ACSL3: variants seen among roughly 807,000 people sequenced by gnomAD.
ACSL3 encodes fatty acid CoA ligase Acsl3.
ACSL3 carries 34 observed loss-of-function variants against 84.7 expected under a neutral mutation model. The observed-to-expected ratio is 0.40, with a 90% CI of 0.31 to 0.53. ACSL3 has a LOEUF of 0.53. ACSL3 is among the 20% of genes least tolerant of loss of function. The pLI, the probability that ACSL3 is intolerant of heterozygous loss-of-function variation, is 0.48. For synonymous variants in ACSL3, 315 were observed against 299.4 expected (o/e 1.05, Z -0.54); for missense variants, 680 against 873.1 (o/e 0.78, Z 2.79).
chr2:222,931,794 G>T (rs1559303017), intron 14 of ACSL3, among the ~76,000 whole-genome samples: 2 of 152,270 alleles, frequency 1.3e-5, no homozygotes, highest in African/African-American at 4.8e-5. Context: ...ATCGTCAGTT[G>T]TTTTCCTCCT....
chr2:222,865,868 G>T (rs576233215), intron 1 of ACSL3, among the ~76,000 whole-genome samples: 2 of 152,076 alleles, frequency 1.3e-5, no homozygotes, highest in South Asian at 4.1e-4. Flanking sequence ...CGCTACCAAA[G>T]AATATTGTTA....
At chr2:222,899,975 G>A (rs558351527) in intron 2 of ACSL3, among the ~76,000 whole-genome samples, 1 of 152,104 alleles carries the variant, frequency 6.6e-6, no homozygotes, top group Non-Finnish European at 1.5e-5. Flanking sequence ...AGCCCAGCAA[G>A]TCCCAGCCTC....
At chr2:222,901,825 G>C (rs1011502268) in intron 3 of ACSL3, among the ~76,000 whole-genome samples, 1 of 151,690 alleles carries the variant, frequency 6.6e-6, no homozygotes, top group Non-Finnish European at 1.5e-5. Flanking sequence ...CACGCCTGTA[G>C]TCTCAGCTAC....
At chr2:222,919,039 G>T (rs776631918) in intron 6 of ACSL3, 25 bp from the exon 7 acceptor site, 44 of 1,608,786 alleles carry the variant, frequency 2.7e-5, no homozygotes, top group Non-Finnish European at 3.7e-5. Flanking sequence ...AATAATGAAC[G>T]TGATGAATGT....
rs1228997606 is a variant in ACSL3, at chr2:222,943,286, CTT to C, written c.*1635_*1636del. On this transcript the variant is annotated 3_prime_UTR_variant, in exon 17 of 17. Transcript: ENST00000357430. Reference sequence around the variant, plus strand: ...TGTATTATGTTTTGAATGCTTTTCTCTTTTCATAATTAAATATTAATGTTTGG... The same window carrying C: ...TGTATTATGTTTTGAATGCTTTTCTCTTCATAATTAAATATTAATGTTTGG... The C allele has an allele frequency of 3.5e-5, 7 of 198,956 alleles. No individual in the cohort carries two copies. The highest frequency in any genetic ancestry group is 7.3e-5 in the Non-Finnish European group (7 of 96,528). 12.3% of individuals were successfully genotyped at this position (198,956 alleles called of 1,614,324 possible).
chr2:222,868,462 G>A (rs2106081759), intron 1 of ACSL3, among the ~76,000 whole-genome samples: 1 of 152,256 alleles, frequency 6.6e-6, no homozygotes, highest in Admixed American at 6.5e-5. Context: ...AGAGTATGCA[G>A]TATTTTCTAA....
At chr2:222,888,185 A>G (rs975063805) in intron 2 of ACSL3, among the ~76,000 whole-genome samples, 3 of 152,200 alleles carry the variant, frequency 2.0e-5, no homozygotes, top group Admixed American at 1.3e-4. Context: ...GAATTAGACC[A>G]TTTTAATATG....
Position 222,921,306 on chromosome 2 carries a change from C to T in ACSL3, c.832C>T (p.Pro278Ser), listed in dbSNP as rs1559297921. Residue 278 changes from proline (P) to serine (S), a missense_variant, in exon 8 of 17, where the codon CCC becomes TCC. By Grantham distance (74) the Pro-to-Ser change is moderately conservative. Coordinates refer to ENST00000357430, the MANE Select transcript of ACSL3 (RefSeq NM_004457.5). The part of the protein sequence containing the change: ...MENQPHSKPL[P>S]SDIAVIMYTS... ...AAACCAACCTCATAGCAAACCATTG[C>T]CCTCAGATATTGCAGTAATCATGTA... is the stretch of plus-strand genomic sequence containing the variant. 2 of 1,597,960 alleles carry T rather than the reference C, an allele frequency of 1.3e-6. No individual in the cohort carries two copies. Among genetic ancestry groups the T allele is most frequent in the South Asian group, 2.2e-5 (2 of 90,442 alleles).
chr2:222,880,738 G>A (rs1234754503), intron 1 of ACSL3, among the ~76,000 whole-genome samples: 1 of 151,384 alleles, frequency 6.6e-6, no homozygotes, highest in Non-Finnish European at 1.5e-5. Flanking sequence ...GCTGAGACAG[G>A]AGAATGGCGT....
At chr2:222,867,964 T>C (rs1162225272) in intron 1 of ACSL3, among the ~76,000 whole-genome samples, 6 of 150,444 alleles carry the variant, frequency 4.0e-5, no homozygotes, top group Non-Finnish European at 8.9e-5. Context: ...ATCTTTACTT[T>C]AGTTAACTTT....
chr2:222,900,303 C>G (rs1456880686), intron 2 of ACSL3, among the ~76,000 whole-genome samples: 1 of 152,124 alleles, frequency 6.6e-6, no homozygotes, highest in African/African-American at 2.4e-5. Flanking sequence ...TATTGGTTTC[C>G]TCAGTGGTAC....
intron 3 of ACSL3, among the ~76,000 whole-genome samples, chr2:222,903,919 C>T (rs779126348): frequency 6.8e-6 from 1 of 147,940 alleles, no homozygotes; most frequent in Non-Finnish European, 1.5e-5. Context: ...ATATCCCAAA[C>T]AAACTGAAGT....
At chr2:222,916,578 C>A (rs918652057) in intron 5 of ACSL3, 82 bp downstream of exon 5, 6 of 1,389,260 alleles carry the variant, frequency 4.3e-6, no homozygotes, top group Non-Finnish European at 4.8e-6. Flanking sequence ...GGTTAAAATT[C>A]TGATGTTAAT....
chr2:222,901,246 A>G (rs1046071589), intron 3 of ACSL3, among the ~76,000 whole-genome samples: 4 of 152,234 alleles, frequency 2.6e-5, no homozygotes, highest in Admixed American at 1.3e-4. Context: ...AACTTTTTGT[A>G]TGGTGTAAGG....
At chr2:222,914,141 T>A (rs1696513894) in intron 4 of ACSL3, among the ~76,000 whole-genome samples, 1 of 151,990 alleles carries the variant, frequency 6.6e-6, no homozygotes, top group Non-Finnish European at 1.5e-5. Context: ...ATAGTGAAAG[T>A]AAAACAAGTC....
chr2:222,906,637 A>G (rs1270989830), intron 3 of ACSL3, among the ~76,000 whole-genome samples: 2 of 142,336 alleles, frequency 1.4e-5, no homozygotes, highest in Non-Finnish European at 3.0e-5. Context: ...TTTTTTTTAG[A>G]TGGAATCTTG....
intron 4 of ACSL3, among the ~76,000 whole-genome samples, chr2:222,911,136 G>A (rs759189841): frequency 6.7e-6 from 1 of 149,832 alleles, no homozygotes; most frequent in Non-Finnish European, 1.5e-5. Context: ...CGCAACGTCC[G>A]CCTTCTGGGT....
intron 16 of ACSL3, among the ~76,000 whole-genome samples, chr2:222,937,044 G>T (rs767884637): frequency 6.6e-6 from 1 of 152,134 alleles, no homozygotes; most frequent in Non-Finnish European, 1.5e-5. Context: ...TTTGGGTGGG[G>T]ACCCAGAACT....
intron 16 of ACSL3, among the ~76,000 whole-genome samples, chr2:222,940,541 T>C (rs1697276144): frequency 6.6e-6 from 1 of 151,792 alleles, no homozygotes; most frequent in African/African-American, 2.4e-5. Flanking sequence ...TTTCAGTCAG[T>C]GACAGACACA....
Sources: allele counts gnomAD v4.1 joint callset (sites outside exome capture counted in the v4.1 genomes callset), GRCh38; gene constraint gnomAD v4.1.1; transcripts MANE v1.5; gene names NCBI Gene and HGNC (gene_info 2026-07-23, HGNC 2026-07-21).